Variants in ERCC8 observed in about 807,000 individuals in gnomAD.
The protein encoded by ERCC8 is ERCC excision repair 8, CSA ubiquitin ligase complex subunit.
Under a neutral mutation model 54.9 loss-of-function variants are expected in ERCC8, and 52 were observed. The observed-to-expected ratio is 0.95, with a 90% CI of 0.76 to 1.19. ERCC8 has a LOEUF of 1.19. Among genes scored for constraint, ERCC8 ranks in the 50% most tolerant of loss-of-function variants. The pLI is 0.00. For missense variants in ERCC8, 514 were observed against 466.1 expected (o/e 1.10, Z -0.95); for synonymous variants, 146 against 157.2 (o/e 0.93, Z 0.53).
rs4647167 is a variant in ERCC8 at position 60,873,324 on chromosome 5, T to C, written c.*1291A>G. Among the ~76,000 whole-genome samples, 29,895 of 152,130 alleles carry C rather than the reference T, an allele frequency of 0.2. 3,560 individuals carry two copies. Among genetic ancestry groups the C allele is most frequent in the Non-Finnish European group, 0.27 (18,029 of 67,990 alleles). Reference sequence around the variant, plus strand: ...AAAAATCAATTGTAAAAGCAAGTGTTTGGAAAACATTTAGCTGGAAAGGTC... The same window carrying C: ...AAAAATCAATTGTAAAAGCAAGTGTCTGGAAAACATTTAGCTGGAAAGGTC... On this transcript the variant is annotated 3_prime_UTR_variant, in exon 12 of 12. Coordinates refer to ENST00000676185, the MANE Select transcript of ERCC8 (RefSeq NM_000082.4).
intron 4 of ERCC8, among the ~76,000 whole-genome samples, chr5:60,914,509 G>C (rs979197090): frequency 1.3e-5 from 2 of 151,808 alleles, no homozygotes; most frequent in South Asian, 4.1e-4. Flanking sequence ...TTAAAAATGA[G>C]GATGGGCACA....
At chr5:60,893,358 G>C (rs185557435) in intron 9 of ERCC8, 3 of 851,612 alleles carry the variant, frequency 3.5e-6, no homozygotes, top group Non-Finnish European at 6.2e-6. Context: ...ATAGACCTGC[G>C]TTTTTGTCTT....
rs57423118 is a variant in ERCC8, at chr5:60,870,482, T to TAA, written c.*4131_*4132dup. Among the ~76,000 whole-genome samples the TAA allele has an allele frequency of 0.064, 3,091 of 48,492 alleles. 407 individuals are homozygous for TAA. The highest frequency in any genetic ancestry group is 0.13 in the African/African-American group (1,336 of 9,934). The allele number at this position is 48,492 out of a possible 152,430, so 31.8% of individuals were successfully genotyped here. On this transcript the variant is annotated 3_prime_UTR_variant, in exon 12 of 12. Transcript: ENST00000676185. ...CAACATGGTGAAACCCCACCTCTGC[T>TAA]AAAAAAAAAAAAAAAAAAAAAAAAA... is the stretch of plus-strand genomic sequence containing the variant.
chr5:60,938,989 T>C (rs1283828937), intron 1 of ERCC8, among the ~76,000 whole-genome samples: 1 of 152,212 alleles, frequency 6.6e-6, no homozygotes, highest in Non-Finnish European at 1.5e-5. Context: ...AATGTATTTA[T>C]GAGAAACAGC....
intron 1 of ERCC8, among the ~76,000 whole-genome samples, chr5:60,944,379 G>A (rs1458023402): frequency 9.9e-5 from 15 of 152,088 alleles, no homozygotes; most frequent in Admixed American, 9.8e-4. Flanking sequence ...TGCAATAGCT[G>A]TTACCTTATT....
intron 4 of ERCC8, among the ~76,000 whole-genome samples, chr5:60,916,353 C>G (rs1380193402): frequency 6.6e-6 from 1 of 151,994 alleles, no homozygotes; most frequent in Non-Finnish European, 1.5e-5. Flanking sequence ...ACTTTAATGA[C>G]AAATGTCCAA....
intron 11 of ERCC8, among the ~76,000 whole-genome samples, chr5:60,877,903 A>T (rs1748065504): frequency 6.6e-6 from 1 of 152,138 alleles, no homozygotes; most frequent in Non-Finnish European, 1.5e-5. Context: ...AACTTCCAAC[A>T]CTATGTTGAA....
intron 4 of ERCC8, among the ~76,000 whole-genome samples, chr5:60,911,378 G>A (rs927760414): frequency 6.6e-5 from 10 of 151,966 alleles, no homozygotes; most frequent in African/African-American, 2.2e-4. Flanking sequence ...GTGTCTGTTG[G>A]CTGCATAAAT....
chr5:60,871,145 G>A lies in ERCC8; in HGVS notation c.*3470C>T, dbSNP rs1269325630. Among the ~76,000 whole-genome samples, 2 of 152,134 alleles carry A rather than the reference G, an allele frequency of 1.3e-5. No homozygotes were observed. The highest frequency in any genetic ancestry group is 2.9e-5 in the Non-Finnish European group (2 of 68,024). On this transcript the variant is annotated 3_prime_UTR_variant, in exon 12 of 12. Coordinates refer to ENST00000676185, the MANE Select transcript of ERCC8 (RefSeq NM_000082.4). ...AAAGATGATATTCAACAACTAAATT[G>A]TACAAATTGTACACCAAAATATACC...
At chr5:60,926,238 C>T (rs1481999007) in intron 2 of ERCC8, among the ~76,000 whole-genome samples, 1 of 152,170 alleles carries the variant, frequency 6.6e-6, no homozygotes, top group African/African-American at 2.4e-5. Context: ...AATGTAGAGG[C>T]AGTGCTATTT....
At chr5:60,913,053 C>CT (rs1228995042) in intron 4 of ERCC8, among the ~76,000 whole-genome samples, 1 of 151,942 alleles carries the variant, frequency 6.6e-6, no homozygotes, top group Non-Finnish European at 1.5e-5. Flanking sequence ...GTAAATTTCT[C>CT]TTTTTTTGTT....
At chr5:60,902,557 GAAGATA>G in intron 6 of ERCC8, 49 bp from the exon 7 acceptor site, 2 of 1,504,038 alleles carry the variant, frequency 1.3e-6, no homozygotes, top group South Asian at 2.3e-5. Context: ...TGAAAAATCA[GAAGATA>G]AAGTGCCAAT....
At chr5:60,929,579 C>A (rs890509678) in intron 1 of ERCC8, among the ~76,000 whole-genome samples, 1 of 151,998 alleles carries the variant, frequency 6.6e-6, no homozygotes, top group Non-Finnish European at 1.5e-5. Flanking sequence ...AGAGTGAGAT[C>A]CTGTCTTAAA....
intron 9 of ERCC8, among the ~76,000 whole-genome samples, chr5:60,895,156 C>A (rs980696773): frequency 7.9e-6 from 1 of 126,216 alleles, no homozygotes; most frequent in Non-Finnish European, 1.6e-5. Flanking sequence ...GGCAACAAAG[C>A]GAGACTCTAC....
intron 1 of ERCC8, among the ~76,000 whole-genome samples, chr5:60,934,574 CCTAT>C (rs1386293089): frequency 7.2e-5 from 11 of 152,044 alleles, no homozygotes; most frequent in African/African-American, 2.7e-4. Flanking sequence ...TTAATTAAGA[CCTAT>C]CTATTTATCT....
In ERCC8 at chr5:60,867,669, A is replaced by C. The variant is rs563839577; in HGVS notation, c.*6946T>G. On this transcript the variant is annotated 3_prime_UTR_variant, in exon 12 of 12. Transcript: ENST00000676185. Reference sequence around the variant, plus strand: ...ATTTAGAAAATATACAGATTTACACAATAGTGGATGATACCATCATGCAGG... The same window carrying C: ...ATTTAGAAAATATACAGATTTACACCATAGTGGATGATACCATCATGCAGG... 1.5e-3 allele frequency among the ~76,000 whole-genome samples: 226 copies of C among 152,364 alleles called. No homozygotes were observed. The highest frequency in any genetic ancestry group is 3.0e-3 in the Non-Finnish European group (201 of 68,032).
At chr5:60,929,170 T>C (rs1749835704) in intron 1 of ERCC8, among the ~76,000 whole-genome samples, 1 of 152,208 alleles carries the variant, frequency 6.6e-6, no homozygotes, top group Admixed American at 6.5e-5. Flanking sequence ...TTTAAAGGTA[T>C]TTAAAGACGG....
chr5:60,900,401 C>T (rs952231), intron 7 of ERCC8, among the ~76,000 whole-genome samples: 3,648 of 152,052 alleles, frequency 0.024, 61 homozygotes, highest in Non-Finnish European at 0.037. Flanking sequence ...CCTGGCAATC[C>T]GACGTGCTCC....
At chr5:60,917,251 C>T (rs1420132532) in intron 4 of ERCC8, among the ~76,000 whole-genome samples, 1 of 151,592 alleles carries the variant, frequency 6.6e-6, no homozygotes, top group Non-Finnish European at 1.5e-5. Flanking sequence ...AAGATGTGAC[C>T]TTAGGAGAAG....
Sources: allele counts gnomAD v4.1 joint callset (sites outside exome capture counted in the v4.1 genomes callset), GRCh38; gene constraint gnomAD v4.1.1; transcripts MANE v1.5; gene names NCBI Gene and HGNC (gene_info 2026-07-23, HGNC 2026-07-21).